ZNF667: variants seen among roughly 807,000 people sequenced by gnomAD.
ZNF667 encodes myocardial ischemic preconditioning upregulated 1 ortholog.
In ZNF667, 13 loss-of-function variants were observed where a neutral mutation model predicts 31.8. That is an observed-to-expected ratio of 0.41 (90% CI 0.27 to 0.65). The LOEUF (loss-of-function observed/expected upper bound fraction) is 0.65. ZNF667 is among the 30% of genes least tolerant of loss of function. The probability of loss-of-function intolerance (pLI) is 0.32; values close to 1 mark genes in which losing one functional copy is unlikely to be tolerated. For missense variants in ZNF667, 642 were observed against 725.6 expected (o/e 0.88, Z 1.32); for synonymous variants, 228 against 247.1 (o/e 0.92, Z 0.73).
Position 56,462,355 on chromosome 19 carries a change from C to T in ZNF667, c.16G>A (p.Gly6Arg), listed in dbSNP as rs2147786927. MPSAR[G>R]KSKSKAPITF... ...CCACTTACCTTGGATTTGGATTTCC[C>T]CCGTGCAGAAGGCATCCTTTCCTCC... The change falls in exon 4 of 7, where the codon GGG (glycine) becomes AGG (arginine). Residue 6 changes from glycine to arginine, a missense_variant. Coordinates refer to ENST00000504904, the MANE Select transcript of ZNF667 (RefSeq NM_001321356.2). 6.2e-7 allele frequency: 1 copy of T among 1,614,156 alleles called. No individual in the cohort carries two copies. Among genetic ancestry groups the T allele is most frequent in the Middle Eastern group, 1.6e-4 (1 of 6,062 alleles).
At chr19:56,470,704 A>G (rs1343701205) in intron 3 of ZNF667, among the ~76,000 whole-genome samples, 1 of 152,090 alleles carries the variant, frequency 6.6e-6, no homozygotes, top group Non-Finnish European at 1.5e-5. Context: ...GGAGTTGGGG[A>G]AAATTTGAGC....
At chr19:56,458,732 G>T (rs1195400719) in intron 5 of ZNF667, among the ~76,000 whole-genome samples, 1 of 152,158 alleles carries the variant, frequency 6.6e-6, no homozygotes, top group African/African-American at 2.4e-5. Flanking sequence ...CTGACCACGT[G>T]GAAGGTGGTG....
At chr19:56,458,092 A>G (rs2042970485) in intron 6 of ZNF667, 63 bp downstream of exon 6, 2 of 1,409,578 alleles carry the variant, frequency 1.4e-6, no homozygotes, top group South Asian at 2.3e-5. Flanking sequence ...CACCTAATAT[A>G]TGGCATTCTG....
intron 1 of ZNF667, chr19:56,476,921 T>G (rs1263609493): frequency 6.5e-6 from 1 of 152,978 alleles, no homozygotes; most frequent in African/African-American, 2.4e-5. Flanking sequence ...ACTCCCGGCT[T>G]CCCAATGGCT....
At chr19:56,461,420 A>C (rs2043042314) in intron 4 of ZNF667, among the ~76,000 whole-genome samples, 1 of 152,182 alleles carries the variant, frequency 6.6e-6, no homozygotes, top group Non-Finnish European at 1.5e-5. Flanking sequence ...GCTGTCTTGA[A>C]GATGAAAAAT....
At chr19:56,446,053 T>C (rs2042702878) in intron 6 of ZNF667, among the ~76,000 whole-genome samples, 1 of 152,352 alleles carries the variant, frequency 6.6e-6, no homozygotes, top group Middle Eastern at 3.4e-3. Flanking sequence ...ATATCACTGG[T>C]TTTAGATTTT....
At chr19:56,443,467 T>C (rs1296733458) in intron 6 of ZNF667, among the ~76,000 whole-genome samples, 1 of 152,218 alleles carries the variant, frequency 6.6e-6, no homozygotes, top group Non-Finnish European at 1.5e-5. Context: ...ACTATACACC[T>C]ATGTTATATT....
At chr19:56,466,376 A>C (rs961452524) in intron 3 of ZNF667, among the ~76,000 whole-genome samples, 1 of 152,216 alleles carries the variant, frequency 6.6e-6, no homozygotes, top group Non-Finnish European at 1.5e-5. Flanking sequence ...TATCAGCCTT[A>C]GAATGAGGAT....
rs1026660651 is a variant in ZNF667, at chr19:56,472,156, T to A, written c.-517A>T. The A allele has an allele frequency of 2.6e-5, 4 of 152,204 alleles. No individual in the cohort carries two copies. The highest frequency in any genetic ancestry group is 9.7e-5 in the African/African-American group (4 of 41,446). The allele number at this position is 152,204 out of a possible 1,614,324, so 9.4% of individuals were successfully genotyped here. A position where few individuals can be genotyped will look rare whatever the true frequency, so the allele number is the denominator to read the frequency against. ...CGAAAACAGACTCATACATTGTCCA[T>A]AAAATAATTTTCTTCAAGGAACTCG... On this transcript the variant is annotated 5_prime_UTR_variant, in exon 3 of 7. An upstream start codon of the reference 5' UTR is lost. Coordinates refer to ENST00000504904, the MANE Select transcript of ZNF667 (RefSeq NM_001321356.2).
intron 6 of ZNF667, among the ~76,000 whole-genome samples, chr19:56,443,147 C>T (rs1203954172): frequency 1.3e-5 from 2 of 152,040 alleles, no homozygotes; most frequent in Non-Finnish European, 2.9e-5. Flanking sequence ...CATGAAGAAT[C>T]TTACAGGGGT....
chr19:56,464,590 C>A (rs1354217832), intron 3 of ZNF667, among the ~76,000 whole-genome samples: 1 of 152,196 alleles, frequency 6.6e-6, no homozygotes, highest in African/African-American at 2.4e-5. Context: ...AAATTATCAG[C>A]CTCACATTAT....
chr19:56,441,598 G>A lies in ZNF667; in HGVS notation c.1397C>T (p.Thr466Ile). 1.2e-6 allele frequency: 2 copies of A among 1,614,062 alleles called. No individual in the cohort carries two copies. The highest frequency in any genetic ancestry group is 8.5e-7 in the Non-Finnish European group (1 of 1,180,010). The change falls in exon 7 of 7, where the codon ACT (threonine) becomes ATT (isoleucine). Residue 466 changes from threonine (T) to isoleucine (I), a missense_variant. Physicochemically the swap from Thr to Ile is moderately conservative, Grantham distance 89 (BLOSUM62 -1). Transcript: ENST00000504904. This position sits in a 1 kb window ranked among gnomAD's most constrained non-coding sequence, Gnocchi z 4.2. ...SFLIEHQRIH[T>I]GEKPYQCEEC... ...CTCACACTGGTAGGGTTTTTCTCCA[G>A]TATGAATTCTTTGATGTTCAATAAG... is the stretch of plus-strand genomic sequence containing the variant.
At chr19:56,475,663 C>T (rs4261655) in intron 1 of ZNF667, 87,099 of 152,084 alleles carry the variant, frequency 0.57, 25,671 homozygotes, top group Middle Eastern at 0.72. Context: ...CCAAATGTCA[C>T]AGTGCCAAGG....
At chr19:56,444,104 T>C in intron 6 of ZNF667, 1 of 397,066 alleles carries the variant, frequency 2.5e-6, no homozygotes, top group Non-Finnish European at 4.4e-6. Flanking sequence ...TTAGGTTAAA[T>C]ACATATATTA....
intron 3 of ZNF667, chr19:56,469,843 G>A (rs906417735): frequency 2.3e-6 from 1 of 437,232 alleles, no homozygotes; most frequent in African/African-American, 2.0e-5. Flanking sequence ...TTTGCTAACT[G>A]AATGACTGAA....
intron 3 of ZNF667, chr19:56,470,133 A>C: frequency 2.4e-6 from 1 of 425,486 alleles, no homozygotes; most frequent in South Asian, 1.7e-5. Flanking sequence ...CTGCAAAGGG[A>C]GGACAAAGGG....
upstream of ZNF667, chr19:56,477,884 G>A (rs1416348864): frequency 6.6e-6 from 1 of 152,478 alleles, no homozygotes; most frequent in Non-Finnish European, 1.5e-5. Flanking sequence ...AGAATCCACC[G>A]GGGTGCAGCG....
chr19:56,461,745 A>G lies in ZNF667; in HGVS notation c.33+593T>C, dbSNP rs145005624. ...AACTGCATTTGAGATGCCTGTTGGAAAAACCACTCAATGATTGACAGTCGT... is the reference window on the plus strand; with the variant it reads ...AACTGCATTTGAGATGCCTGTTGGAGAAACCACTCAATGATTGACAGTCGT... On this transcript the variant is annotated intron_variant, in intron 4 of 6. Coordinates refer to ENST00000504904, the MANE Select transcript of ZNF667 (RefSeq NM_001321356.2). Among the ~76,000 whole-genome samples, 115 of 152,368 alleles carry G rather than the reference A, an allele frequency of 7.5e-4. 2 individuals are homozygous for G. In the East Asian group the frequency reaches 0.02, roughly 26 times the overall value.
At chr19:56,462,726 C>T (rs1458699671) in intron 3 of ZNF667, among the ~76,000 whole-genome samples, 2 of 152,194 alleles carry the variant, frequency 1.3e-5, no homozygotes, top group African/African-American at 2.4e-5. Context: ...TACTGGGTGT[C>T]CAGCTGTCCC....
Sources: allele counts gnomAD v4.1 joint callset (sites outside exome capture counted in the v4.1 genomes callset), GRCh38; gene constraint gnomAD v4.1.1; non-coding constraint Gnocchi (gnomAD v3.1); transcripts MANE v1.5; gene names NCBI Gene and HGNC (gene_info 2026-07-23, HGNC 2026-07-21).